Variants in PDXK observed in about 807,000 individuals in gnomAD.
PDXK encodes pyridoxal kinase.
A neutral mutation model predicts 43.2 loss-of-function variants in PDXK; 15 were observed. The ratio of observed to expected loss-of-function variants is 0.35; its 90% CI spans 0.23 to 0.53. The LOEUF (loss-of-function observed/expected upper bound fraction) is 0.53. PDXK is among the 20% of genes least tolerant of loss of function. PDXK has a pLI of 0.92. For synonymous variants in PDXK, 172 were observed against 165.4 expected (o/e 1.04, Z -0.31); for missense variants, 343 against 417.0 (o/e 0.82, Z 1.54).
chr21:43,745,857 T>C, intron 4 of PDXK: 2 of 577,190 alleles, frequency 3.5e-6, no homozygotes, highest in South Asian at 3.9e-5. Context: ...GCTAGCTGGG[T>C]GTGCTGCTGC....
intron 8 of PDXK, 143 bp downstream of exon 8, chr21:43,752,772 T>TC: frequency 1.6e-6 from 1 of 613,914 alleles, no homozygotes; most frequent in Non-Finnish European, 2.9e-6. Flanking sequence ...TTTTACAGAC[T>TC]CTCAGGGATC....
At chr21:43,720,531 T>C (rs1297350277) in intron 1 of PDXK, among the ~76,000 whole-genome samples, 1 of 152,084 alleles carries the variant, frequency 6.6e-6, no homozygotes, top group Non-Finnish European at 1.5e-5. Flanking sequence ...GGAGGTCCTG[T>C]TGGGAAGGAT....
chr21:43,750,809 T>C (rs984919473), intron 7 of PDXK, among the ~76,000 whole-genome samples: 1 of 151,176 alleles, frequency 6.6e-6, no homozygotes, highest in Non-Finnish European at 1.5e-5. Context: ...TGTGCGTGTG[T>C]GCGCGCACCC....
Position 43,754,369 on chromosome 21 carries a change from T to A in PDXK, c.759+650T>A, listed in dbSNP as rs919395612. ...GGGTCTCGTGAGCCTTTCTCGTGTGTCCCATGGGTAAGCACACAGCTCAGC... is the reference window on the plus strand; with the variant it reads ...GGGTCTCGTGAGCCTTTCTCGTGTGACCCATGGGTAAGCACACAGCTCAGC... On this transcript the variant is annotated intron_variant, in intron 9 of 10. Coordinates refer to ENST00000291565, the MANE Select transcript of PDXK (RefSeq NM_003681.5). This position sits in a 1 kb window ranked among gnomAD's most constrained non-coding sequence, Gnocchi z 5.5. Among the ~76,000 whole-genome samples the A allele has an allele frequency of 6.6e-6, 1 of 152,132 alleles. No individual in the cohort carries two copies. Among genetic ancestry groups the A allele is most frequent in the African/African-American group, 2.4e-5 (1 of 41,420 alleles).
intron 4 of PDXK, 188 bp from the exon 5 acceptor site, chr21:43,745,891 G>A: frequency 1.6e-6 from 1 of 618,488 alleles, no homozygotes. Flanking sequence ...CAGCCACTTG[G>A]GAGGGTGAGG....
chr21:43,743,279 G>A (rs1344166834), intron 3 of PDXK, among the ~76,000 whole-genome samples: 2 of 78,864 alleles, frequency 2.5e-5, no homozygotes, highest in Non-Finnish European at 4.8e-5. Flanking sequence ...CCCGAGCACT[G>A]TGGGGACACC....
At chr21:43,738,034 G>A in intron 2 of PDXK, 4 of 985,518 alleles carry the variant, frequency 4.1e-6, no homozygotes, top group Non-Finnish European at 4.8e-6. Flanking sequence ...ACCCGGCCAA[G>A]TGCTGGACGT....
intron 2 of PDXK, among the ~76,000 whole-genome samples, chr21:43,740,231 A>C (rs1368444246): frequency 6.6e-6 from 1 of 152,086 alleles, no homozygotes; most frequent in Non-Finnish European, 1.5e-5. Context: ...GGGGAAAGCC[A>C]AAGGCGTCCC....
In PDXK at chr21:43,739,312, C is replaced by T. The variant is rs142415478; in HGVS notation, c.143-2355C>T. On this transcript the variant is annotated intron_variant, in intron 2 of 10. Transcript: ENST00000291565. ...TGCTGGGATTACAGGCGTGAGCCAC[C>T]GCACCCGGCCCCACCTTTATGAACT... 1.8e-3 allele frequency among the ~76,000 whole-genome samples: 268 copies of T among 152,292 alleles called. 2 individuals carry two copies. The highest frequency in any genetic ancestry group is 5.9e-3 in the African/African-American group (247 of 41,552).
Position 43,727,149 on chromosome 21 carries a change from G to A in PDXK, c.88-6920G>A, listed in dbSNP as rs868134329. On this transcript the variant is annotated intron_variant, in intron 1 of 10. Transcript: ENST00000291565. The stretch of plus-strand genomic sequence containing the variant: ...AACGGGCAGCTTCGGGGACACAGGG[G>A]CTGCTGATTGGCATTGTGGCTTGTT... Among the ~76,000 whole-genome samples the A allele has an allele frequency of 5.4e-4, 82 of 152,348 alleles. 1 individual carries two copies. The highest frequency in any genetic ancestry group is 1.8e-3 in the African/African-American group (76 of 41,572).
chr21:43,759,766 G>A lies in PDXK; in HGVS notation c.*3703G>A, dbSNP rs2083904397. 1 of 152,408 alleles carries A rather than the reference G, an allele frequency of 6.6e-6. No homozygotes were observed. The highest frequency in any genetic ancestry group is 6.5e-5 in the Admixed American group (1 of 15,292). The allele number at this position is 152,408 out of a possible 1,614,324, so 9.4% of individuals were successfully genotyped here. A position where few individuals can be genotyped will look rare whatever the true frequency, so the allele number is the denominator to read the frequency against. On this transcript the variant is annotated 3_prime_UTR_variant, in exon 11 of 11. Transcript: ENST00000291565. The stretch of plus-strand genomic sequence containing the variant: ...TGCCCGCCGGAGGGATGTGCCTGCT[G>A]AGCCTTTTCCTTCCACGCCGCCTCT...
At chr21:43,720,287 G>A (rs973254915) in intron 1 of PDXK, among the ~76,000 whole-genome samples, 7 of 152,190 alleles carry the variant, frequency 4.6e-5, no homozygotes, top group African/African-American at 1.7e-4. Context: ...CCTGCGGCCT[G>A]GTCACTGGGG....
At chr21:43,743,664 C>G in intron 3 of PDXK, 60 bp from the exon 4 acceptor site, 1 of 1,213,426 alleles carries the variant, frequency 8.2e-7, no homozygotes, top group Non-Finnish European at 1.2e-6. Context: ...TTCTTTGTGC[C>G]ACAGTTGATC....
rs2083869996 is a variant in PDXK at position 43,757,504 on chromosome 21, T to G, written c.*1441T>G. ...CGGGCCCCTCCTGGAGCCCATACCC[T>G]CCTGTGAGGCCATTCCAGTGTCTTC... On this transcript the variant is annotated 3_prime_UTR_variant, in exon 11 of 11. Transcript: ENST00000291565. The G allele has an allele frequency of 2.0e-5, 3 of 151,798 alleles. No individual in the cohort carries two copies. The highest frequency in any genetic ancestry group is 7.3e-5 in the African/African-American group (3 of 41,310). 9.4% of individuals were successfully genotyped at this position (151,798 alleles called of 1,614,324 possible).
Position 43,752,621 on chromosome 21 carries a change from AGAG to A in PDXK, c.621_622+1del, listed in dbSNP as rs1251641061. The stretch of plus-strand genomic sequence containing the variant: ...AACTACCTGATTGTGCTGGGGAGTC[AGAG>A]GAGGAGTAAGTGCCCCCATCGTGCA... On this transcript the variant is annotated inframe_deletion, in exon 8 of 11. Transcript: ENST00000291565. The A allele has an allele frequency of 6.2e-7, 1 of 1,605,878 alleles. No homozygotes were observed.
intron 1 of PDXK, among the ~76,000 whole-genome samples, chr21:43,730,181 C>A (rs2083299772): frequency 6.6e-6 from 1 of 152,050 alleles, no homozygotes. Context: ...GTCACCCAGG[C>A]TAGTTGCAGT....
chr21:43,719,352 G>A lies in PDXK; in HGVS notation c.58G>A (p.Gly20Ser). The change falls in exon 1 of 11, where the codon GGC (glycine) becomes AGC (serine). Residue 20 changes from glycine (G) to serine (S), a missense_variant. Coordinates refer to ENST00000291565, the MANE Select transcript of PDXK (RefSeq NM_003681.5). ...IQSHVIRGYV[G>S]NRAATFPLQV... ...GAGCCACGTCATCCGCGGCTACGTG[G>A]GCAACCGGGCGGCCACGTTCCCGCT... 6.6e-7 allele frequency: 1 copy of A among 1,526,398 alleles called. No homozygotes were observed. The highest frequency in any genetic ancestry group is 8.8e-7 in the Non-Finnish European group (1 of 1,138,160). The allele number at this position is 1,526,398 out of a possible 1,614,324, so 94.6% of individuals were successfully genotyped here.
chr21:43,761,036 C>G lies in PDXK; in HGVS notation c.*4973C>G, dbSNP rs968058933. The G allele has an allele frequency of 1.3e-5, 2 of 152,218 alleles. No individual in the cohort carries two copies. The highest frequency in any genetic ancestry group is 2.9e-5 in the Non-Finnish European group (2 of 68,048). The allele number at this position is 152,218 out of a possible 1,614,324, so 9.4% of individuals were successfully genotyped here. A position where few individuals can be genotyped will look rare whatever the true frequency, so the allele number is the denominator to read the frequency against. ...GTAAGTTTAGATGACTGGTCAATAT[C>G]TTAAAAATGTATATTAGTAAGAAGT... On this transcript the variant is annotated 3_prime_UTR_variant, in exon 11 of 11. Transcript: ENST00000291565.
intron 1 of PDXK, among the ~76,000 whole-genome samples, chr21:43,724,371 T>C (rs535884452): frequency 2.6e-5 from 4 of 152,256 alleles, no homozygotes; most frequent in African/African-American, 9.6e-5. Flanking sequence ...ACCTGCTTAC[T>C]GGGCCCCGCT....
Sources: gnomAD v4.1 joint callset for allele counts (sites outside exome capture counted in the v4.1 genomes callset) on GRCh38, gnomAD v4.1.1 for gene constraint, Gnocchi (gnomAD v3.1) non-coding constraint, MANE v1.5 for transcripts, NCBI Gene and HGNC (gene_info 2026-07-23, HGNC 2026-07-21) for gene names.